The following CADM1 variants were observed in gnomAD, a reference collection of about 807,000 sequenced individuals.
CADM1 encodes the protein cell adhesion molecule 1.
Under a neutral mutation model 53.1 loss-of-function variants are expected in CADM1, and 15 were observed. The ratio of observed to expected loss-of-function variants is 0.28; its 90% CI spans 0.19 to 0.44. The LOEUF is 0.44. Ranked by LOEUF, CADM1 falls within the 20% of genes least tolerant of loss-of-function variation. The pLI, the probability that CADM1 is intolerant of heterozygous loss-of-function variation, is 1.00. For synonymous variants in CADM1, 281 were observed against 243.0 expected (o/e 1.16, Z -1.45); for missense variants, 434 against 611.3 (o/e 0.71, Z 3.06).
intron 1 of CADM1, among the ~76,000 whole-genome samples, chr11:115,322,759 C>T (rs769062489): frequency 9.2e-5 from 14 of 151,992 alleles, no homozygotes; most frequent in South Asian, 2.1e-4. Flanking sequence ...TTAATGGTTG[C>T]GTAATATTCT....
intron 1 of CADM1, among the ~76,000 whole-genome samples, chr11:115,381,682 A>G (rs991166190): frequency 1.3e-5 from 2 of 152,310 alleles, no homozygotes; most frequent in East Asian, 3.9e-4. Context: ...TGAAAACAAT[A>G]CCTGACACAC....
intron 1 of CADM1, among the ~76,000 whole-genome samples, chr11:115,472,076 AAG>A (rs987072108): frequency 1.6e-4 from 24 of 152,302 alleles, no homozygotes; most frequent in Non-Finnish European, 2.9e-4. Flanking sequence ...GGGTCCCAGA[AAG>A]AGAGAGTCAA....
At chr11:115,430,532 GCT>G (rs1244044359) in intron 1 of CADM1, among the ~76,000 whole-genome samples, 1 of 152,192 alleles carries the variant, frequency 6.6e-6, no homozygotes, top group Non-Finnish European at 1.5e-5. Context: ...CTGATTTATA[GCT>G]CTGTCCACTG....
chr11:115,329,081 C>A (rs1945063448), intron 1 of CADM1, among the ~76,000 whole-genome samples: 1 of 151,766 alleles, frequency 6.6e-6, no homozygotes. Context: ...TCAACATAAT[C>A]CCAAAAGATC....
At chr11:115,251,317 G>A (rs1040009630) in intron 1 of CADM1, among the ~76,000 whole-genome samples, 1 of 152,150 alleles carries the variant, frequency 6.6e-6, no homozygotes, top group Non-Finnish European at 1.5e-5. Context: ...GCCAACAAGA[G>A]TCATTGAAAA....
intron 1 of CADM1, among the ~76,000 whole-genome samples, chr11:115,263,695 C>T (rs1346962989): frequency 2.6e-5 from 4 of 152,040 alleles, no homozygotes; most frequent in Non-Finnish European, 4.4e-5. Flanking sequence ...TTGACCATTG[C>T]GAGTTCTTTC....
At chr11:115,300,408 G>C (rs1231437111) in intron 1 of CADM1, among the ~76,000 whole-genome samples, 1 of 152,142 alleles carries the variant, frequency 6.6e-6, no homozygotes, top group African/African-American at 2.4e-5. Flanking sequence ...ACTCACAGGA[G>C]TGAAGGTCTA....
intron 1 of CADM1, among the ~76,000 whole-genome samples, chr11:115,472,997 A>C (rs1043544171): frequency 3.3e-5 from 5 of 152,186 alleles, no homozygotes; most frequent in African/African-American, 4.8e-5. Context: ...CCAGAAGCAA[A>C]ATAACTAAGG....
chr11:115,242,412 A>G (rs1942270267), intron 1 of CADM1, among the ~76,000 whole-genome samples: 1 of 152,106 alleles, frequency 6.6e-6, no homozygotes, highest in African/African-American at 2.4e-5. Flanking sequence ...AGAATTCAGA[A>G]CCCAGCTGGA....
chr11:115,384,507 C>T (rs1450424263), intron 1 of CADM1, among the ~76,000 whole-genome samples: 2 of 152,180 alleles, frequency 1.3e-5, no homozygotes, highest in East Asian at 3.8e-4. Flanking sequence ...ACACAGAATC[C>T]ATTCATTCTG....
intron 1 of CADM1, among the ~76,000 whole-genome samples, chr11:115,482,802 A>G (rs1362545246): frequency 6.6e-6 from 1 of 152,246 alleles, no homozygotes; most frequent in South Asian, 2.1e-4. Flanking sequence ...ATTTCTGTGC[A>G]TTAATATTTT....
intron 1 of CADM1, among the ~76,000 whole-genome samples, chr11:115,291,399 T>C (rs1202294643): frequency 6.6e-6 from 1 of 152,186 alleles, no homozygotes; most frequent in Non-Finnish European, 1.5e-5. Context: ...AATTCTGCAT[T>C]GGGTTACTAA....
At chr11:115,193,489 T>C (rs987639166) in intron 9 of CADM1, among the ~76,000 whole-genome samples, 2 of 152,240 alleles carry the variant, frequency 1.3e-5, no homozygotes, top group South Asian at 2.1e-4. Context: ...TACAATGTGC[T>C]ATAACATACC....
intron 1 of CADM1, among the ~76,000 whole-genome samples, chr11:115,370,003 G>C (rs940222134): frequency 6.6e-6 from 1 of 152,158 alleles, no homozygotes; most frequent in Non-Finnish European, 1.5e-5. Context: ...TATAAATGCA[G>C]ATCTCCCAAC....
intron 1 of CADM1, among the ~76,000 whole-genome samples, chr11:115,425,672 T>A (rs771261066): frequency 3.3e-5 from 5 of 152,224 alleles, no homozygotes; most frequent in Non-Finnish European, 7.3e-5. Flanking sequence ...GGGATTTTGA[T>A]GTGCGGAGTT....
chr11:115,217,251 G>A (rs1941225708), intron 6 of CADM1, among the ~76,000 whole-genome samples: 1 of 152,024 alleles, frequency 6.6e-6, no homozygotes, highest in Non-Finnish European at 1.5e-5. Flanking sequence ...ATTCACTTTG[G>A]ATCATTTCAC....
intron 1 of CADM1, among the ~76,000 whole-genome samples, chr11:115,422,285 A>G (rs1393769495): frequency 6.6e-6 from 1 of 152,200 alleles, no homozygotes; most frequent in East Asian, 1.9e-4. Flanking sequence ...CCATTTAAAC[A>G]TAATACTCAA....
At chr11:115,442,582 C>T (rs545726274) in intron 1 of CADM1, among the ~76,000 whole-genome samples, 33 of 152,250 alleles carry the variant, frequency 2.2e-4, no homozygotes, top group Middle Eastern at 3.4e-3. Context: ...TATGACAGAT[C>T]GGCAATTACG....
At position 115,272,185 on chromosome 11, in the gene CADM1, C is replaced by G. The variant is rs189769634; in HGVS notation, c.125-31765G>C. Among the ~76,000 whole-genome samples, 49 of 152,078 alleles carry G rather than the reference C, an allele frequency of 3.2e-4. No homozygotes were observed. The East Asian group carries it at 8.9e-3, about 28-fold the overall frequency. On this transcript the variant is annotated intron_variant, in intron 1 of 11. Coordinates refer to ENST00000331581, the MANE Select transcript of CADM1 (RefSeq NM_001301043.2). The stretch of plus-strand genomic sequence containing the variant: ...TTAAAATCCCGACCTCAGACACAAG[C>G]AAGAATCTCAGTTCTGTGTTTTAAT...
Sources: allele counts gnomAD v4.1 joint callset (sites outside exome capture counted in the v4.1 genomes callset), GRCh38; gene constraint gnomAD v4.1.1; transcripts MANE v1.5; gene names NCBI Gene and HGNC (gene_info 2026-07-23, HGNC 2026-07-21).